KAT2A: variants seen among roughly 807,000 people sequenced by gnomAD.
KAT2A encodes lysine acetyltransferase 2A.
In KAT2A, 42 loss-of-function variants were observed where a neutral mutation model predicts 95.2. The observed-to-expected ratio is 0.44, with a 90% CI of 0.34 to 0.57. The LOEUF (loss-of-function observed/expected upper bound fraction) is 0.57, where lower values mean the gene tolerates loss of function less well. Ranked by LOEUF, KAT2A falls within the 20% of genes least tolerant of loss-of-function variation. The pLI, the probability that KAT2A is intolerant of heterozygous loss-of-function variation, is 0.01. For missense variants in KAT2A, 784 were observed against 1,126.3 expected (o/e 0.70, Z 4.35); for synonymous variants, 449 against 448.2 (o/e 1.00, Z -0.02).
At chr17:42,120,479 T>G in intron 2 of KAT2A, 109 bp from the exon 3 acceptor site, 1 of 1,297,994 alleles carries the variant, frequency 7.7e-7, no homozygotes, top group Admixed American at 1.8e-5. Context: ...CCAACCAGTG[T>G]GACCAACAGT....
Position 42,117,749 on chromosome 17 carries a change from C to T in KAT2A, c.1357G>A (p.Asp453Asn). The T allele has an allele frequency of 2.5e-6, 4 of 1,613,978 alleles. No homozygotes were observed. The highest frequency in any genetic ancestry group is 3.4e-6 in the Non-Finnish European group (4 of 1,179,886). ...EDAKRLRVMG[D>N]IPMELVNEVM... is the part of the protein sequence containing the mutation. ...TCATTGACCAGCTCCATGGGGATGT[C>T]ACCCATCACACGGAGCCGCTTGGCA... The change falls in exon 9 of 18, where the codon GAC becomes AAC. Residue 453 changes from aspartate to asparagine, a missense_variant. Asp to Asn is a conservative substitution (Grantham distance 23). Transcript: ENST00000225916. This position sits in a 1 kb window ranked among gnomAD's most constrained non-coding sequence, Gnocchi z 8.9.
At position 42,117,164 on chromosome 17, in the gene KAT2A, A is replaced by G. The variant is rs782130461; in HGVS notation, c.1638-3T>C. ...TCAAGGCCAGAGTCTTGTGCTTCCTAAGAGAGAGGGGGGCATGTCATAGCC... is the reference window on the plus strand; with the variant it reads ...TCAAGGCCAGAGTCTTGTGCTTCCTGAGAGAGAGGGGGGCATGTCATAGCC... On this transcript the variant is annotated splice_region_variant and splice_polypyrimidine_tract_variant and intron_variant, in intron 10 of 17. Coordinates refer to ENST00000225916, the MANE Select transcript of KAT2A (RefSeq NM_021078.3). The surrounding 1 kb of genome is among the most constrained non-coding windows in gnomAD (Gnocchi z 8.9). The G allele has an allele frequency of 1.9e-6, 3 of 1,613,642 alleles. No individual in the cohort carries two copies. Among genetic ancestry groups the G allele is most frequent in the African/African-American group, 1.3e-5 (1 of 74,876 alleles).
chr17:42,117,001 T>G lies in KAT2A; in HGVS notation c.1764+34A>C. ...CTGGCCCAAACTCAGGAGTGGGCCG[T>G]GGACTGGGGCTGGGGCCGGGGAGCC... On this transcript the variant is annotated intron_variant, in intron 11 of 17. Coordinates refer to ENST00000225916, the MANE Select transcript of KAT2A (RefSeq NM_021078.3). The surrounding 1 kb of genome is among the most constrained non-coding windows in gnomAD (Gnocchi z 8.9). 6.2e-7 allele frequency: 1 copy of G among 1,611,780 alleles called. No individual in the cohort carries two copies. The highest frequency in any genetic ancestry group is 8.5e-7 in the Non-Finnish European group (1 of 1,179,462).
intron 1 of KAT2A, 32 bp downstream of exon 1, chr17:42,120,934 C>A: frequency 1.3e-6 from 2 of 1,553,204 alleles, no homozygotes; most frequent in Non-Finnish European, 1.7e-6. Flanking sequence ...ATGCCCCAAG[C>A]CCCGCCCCTT....
Position 42,117,972 on chromosome 17 carries a change from G to C in KAT2A, c.1226C>G (p.Pro409Arg). ...AVVPSTPIFS[P>R]SMGGGSNSSL... is the part of the protein sequence containing the mutation. Reference sequence around the variant, plus strand: ...GCTGTTGCTGCCCCCACCCATGCTGGGGCTGAAGATGGGGGTGCTGGGAAC... The same window carrying C: ...GCTGTTGCTGCCCCCACCCATGCTGCGGCTGAAGATGGGGGTGCTGGGAAC... The change falls in exon 8 of 18, where the codon CCC (proline) becomes CGC (arginine). Residue 409 changes from proline (P) to arginine (R), a missense_variant. Around this residue, in one of 6 missense-constraint regions of KAT2A, gnomAD observed 63 missense variants for 70.1 expected, o/e 0.90. Transcript: ENST00000225916. The surrounding 1 kb of genome is among the most constrained non-coding windows in gnomAD (Gnocchi z 8.9). 6.2e-7 allele frequency: 1 copy of C among 1,608,468 alleles called. No individual in the cohort carries two copies. Among genetic ancestry groups the C allele is most frequent in the Non-Finnish European group, 8.5e-7 (1 of 1,176,250 alleles).
rs868979775 is a variant in KAT2A, at chr17:42,115,858, A to G, written c.1765-25T>C. On this transcript the variant is annotated intron_variant, in intron 11 of 17. Coordinates refer to ENST00000225916, the MANE Select transcript of KAT2A (RefSeq NM_021078.3). ...CCTGCGGGGGAGGGAAGCAGGACTCACCAGGAGCTGAGGATGGGCCTGGTG... is the reference window on the plus strand; with the variant it reads ...CCTGCGGGGGAGGGAAGCAGGACTCGCCAGGAGCTGAGGATGGGCCTGGTG... 4 of 1,367,566 alleles carry G rather than the reference A, an allele frequency of 2.9e-6. No homozygotes were observed. In the Admixed American group the frequency reaches 5.0e-5, roughly 17 times the overall value. 84.7% of individuals were successfully genotyped at this position (1,367,566 alleles called of 1,614,324 possible).
At position 42,113,619 on chromosome 17, in the gene KAT2A, C is replaced by G; in HGVS notation, c.*30G>C. ...GATCAGAATCCGAGGTGGAGACATT[C>G]CAGGTCAGGGCTGCGGCCCAAAGAT... On this transcript the variant is annotated 3_prime_UTR_variant, in exon 18 of 18. Transcript: ENST00000225916. The G allele has an allele frequency of 6.3e-7, 1 of 1,588,464 alleles. No individual in the cohort carries two copies. The highest frequency in any genetic ancestry group is 8.5e-7 in the Non-Finnish European group (1 of 1,171,236).
In KAT2A at chr17:42,121,087, C is replaced by T; in HGVS notation, c.218G>A (p.Gly73Glu). The change falls in exon 1 of 18, where the codon GGG (glycine) becomes GAG (glutamate). Residue 73 changes from glycine (G) to glutamate (E), a missense_variant. Gly to Glu is a moderately conservative substitution (Grantham distance 98). Transcript: ENST00000225916. ...PGVGSGGAGS[G>E]GDPARPGLSQ... Reference sequence around the variant, plus strand: ...CAGGCCAGGTCGAGCCGGATCCCCCCCGCTCCCGGCCCCCCCACTTCCTAC... The same window carrying T: ...CAGGCCAGGTCGAGCCGGATCCCCCTCGCTCCCGGCCCCCCCACTTCCTAC... 6.5e-7 allele frequency: 1 copy of T among 1,547,790 alleles called. No homozygotes were observed. Among genetic ancestry groups the T allele is most frequent in the Non-Finnish European group, 8.7e-7 (1 of 1,149,374 alleles).
rs2054269538 is a variant in KAT2A, at chr17:42,117,091, T to TGGGAAG, written c.1707_1708insCTTCCC (p.Pro569_Thr570insLeuPro). On this transcript the variant is annotated inframe_insertion, in exon 11 of 18. Coordinates refer to ENST00000225916, the MANE Select transcript of KAT2A (RefSeq NM_021078.3). The surrounding 1 kb of genome is among the most constrained non-coding windows in gnomAD (Gnocchi z 8.9). ...AAGACAATCTCCGTGAAGCCCTGGG[T>TGGGAAG]GGGAAACATGCGGAAGCAGATGCCA... 6.2e-7 allele frequency: 1 copy of TGGGAAG among 1,613,892 alleles called. No individual in the cohort carries two copies. Among genetic ancestry groups the TGGGAAG allele is most frequent in the African/African-American group, 1.3e-5 (1 of 74,882 alleles).
chr17:42,119,718 CCTGAG>C lies in KAT2A; in HGVS notation c.700-5_700-1del. 6.3e-7 allele frequency: 1 copy of C among 1,598,252 alleles called. No individual in the cohort carries two copies. Among genetic ancestry groups the C allele is most frequent in the Non-Finnish European group, 8.5e-7 (1 of 1,171,368 alleles). Reference sequence around the variant, plus strand: ...TTGTACTGCACAAAGTTCAGCACACCCTGAGAAGGGGTGGGTGGGGGATAAAACCA... The same window carrying C: ...TTGTACTGCACAAAGTTCAGCACACCAAGGGGTGGGTGGGGGATAAAACCA... On this transcript the variant is annotated splice_acceptor_variant and splice_polypyrimidine_tract_variant and intron_variant, in intron 4 of 17. Transcript: ENST00000225916. LOFTEE classifies it high-confidence loss of function. The surrounding 1 kb of genome is among the most constrained non-coding windows in gnomAD (Gnocchi z 5.3).
intron 17 of KAT2A, 49 bp from the exon 18 acceptor site, chr17:42,113,891 G>A (rs1555665298): frequency 4.6e-6 from 7 of 1,510,978 alleles, no homozygotes; most frequent in Non-Finnish European, 6.2e-6. Flanking sequence ...GAAGACCACG[G>A]CAGGGCTGTC....
rs1555666866 is a variant in KAT2A, at chr17:42,119,593, C to G, written c.825G>C (p.Gln275His). 2 of 1,613,290 alleles carry G rather than the reference C, an allele frequency of 1.2e-6. No individual in the cohort carries two copies. The highest frequency in any genetic ancestry group is 1.7e-5 in the Admixed American group (1 of 59,870). ...LNYWKLETPA[Q>H]FRQRSQAEDV... ...CCTCAGCCTGAGACCTCTGCCGAAACTGGGCAGGTGTCTCAAGCTTCCAGT... is the reference window on the plus strand; with the variant it reads ...CCTCAGCCTGAGACCTCTGCCGAAAGTGGGCAGGTGTCTCAAGCTTCCAGT... The change falls in exon 5 of 18, where the codon CAG (glutamine) becomes CAC (histidine). Residue 275 changes from glutamine to histidine, a missense_variant. This residue lies in a region of KAT2A where 208 missense variants were observed against 339.7 expected (regional missense o/e 0.61). Coordinates refer to ENST00000225916, the MANE Select transcript of KAT2A (RefSeq NM_021078.3). The surrounding 1 kb of genome is among the most constrained non-coding windows in gnomAD (Gnocchi z 5.3).
chr17:42,113,348 C>T lies in KAT2A; in HGVS notation c.*301G>A, dbSNP rs565900706. ...GGCCCAGGAATCCAAGCCTCCAAAG[C>T]TCTTGGGGACCAGGCCTGGGGGCCA... is the stretch of plus-strand genomic sequence containing the variant. On this transcript the variant is annotated 3_prime_UTR_variant, in exon 18 of 18. Coordinates refer to ENST00000225916, the MANE Select transcript of KAT2A (RefSeq NM_021078.3). 3.5e-6 allele frequency: 1 copy of T among 282,384 alleles called. No homozygotes were observed. The highest frequency in any genetic ancestry group is 8.5e-5 in the East Asian group (1 of 11,732). 17.5% of individuals were successfully genotyped at this position (282,384 alleles called of 1,614,324 possible).
intron 2 of KAT2A, 145 bp from the exon 3 acceptor site, chr17:42,120,515 G>C (rs971636190): frequency 5.7e-6 from 7 of 1,234,622 alleles, no homozygotes; most frequent in Non-Finnish European, 7.0e-6. Flanking sequence ...GATATCAACC[G>C]TTGGGTTGCC....
In KAT2A at chr17:42,117,826, G is replaced by T. The variant is rs1555666364; in HGVS notation, c.1292-12C>A. The T allele has an allele frequency of 6.2e-7, 1 of 1,613,048 alleles. No homozygotes were observed. Among genetic ancestry groups the T allele is most frequent in the African/African-American group, 1.3e-5 (1 of 74,898 alleles). On this transcript the variant is annotated splice_polypyrimidine_tract_variant and intron_variant, in intron 8 of 17. Coordinates refer to ENST00000225916, the MANE Select transcript of KAT2A (RefSeq NM_021078.3). This position sits in a 1 kb window ranked among gnomAD's most constrained non-coding sequence, Gnocchi z 8.9. ...CGTCCTCTTCTCGCCTATTGGGGAGGCAGGCAAGGTTGCTCAGGATCAGTA... is the reference window on the plus strand; with the variant it reads ...CGTCCTCTTCTCGCCTATTGGGGAGTCAGGCAAGGTTGCTCAGGATCAGTA...
chr17:42,118,086 G>T lies in KAT2A; in HGVS notation c.1181-69C>A, dbSNP rs1398778577. The T allele has an allele frequency of 1.8e-4, 185 of 1,038,888 alleles. 2 individuals carry two copies. Among genetic ancestry groups the T allele is most frequent in the Non-Finnish European group, 2.5e-4 (179 of 709,160 alleles). 64.4% of individuals were successfully genotyped at this position (1,038,888 alleles called of 1,614,324 possible). Reference sequence around the variant, plus strand: ...GGAGAGAGAGAGAGAAGTCAGGGACGGGGGCTGAAGCTGAGGAGAGAGAGA... The same window carrying T: ...GGAGAGAGAGAGAGAAGTCAGGGACTGGGGCTGAAGCTGAGGAGAGAGAGA... On this transcript the variant is annotated intron_variant, in intron 7 of 17. Transcript: ENST00000225916.
Position 42,114,878 on chromosome 17 carries a change from T to A in KAT2A, c.2019+14A>T. On this transcript the variant is annotated intron_variant, in intron 13 of 17. Transcript: ENST00000225916. This position sits in a 1 kb window ranked among gnomAD's most constrained non-coding sequence, Gnocchi z 6.0. ...TCATGAAAAATCCCACAGATGCGCA[T>A]GTGTGCACACCACCTCTTTCTGCTT... 2 of 1,613,412 alleles carry A rather than the reference T, an allele frequency of 1.2e-6. No homozygotes were observed. Among genetic ancestry groups the A allele is most frequent in the Non-Finnish European group, 1.7e-6 (2 of 1,179,518 alleles).
chr17:42,113,861 G>A lies in KAT2A; in HGVS notation c.2321-19C>T. 2 of 1,559,166 alleles carry A rather than the reference G, an allele frequency of 1.3e-6. No homozygotes were observed. Among genetic ancestry groups the A allele is most frequent in the Middle Eastern group, 1.9e-4 (1 of 5,282 alleles). On this transcript the variant is annotated intron_variant, in intron 17 of 17. Transcript: ENST00000225916. Reference sequence around the variant, plus strand: ...TTCAGGTCTGGGGCAGCAGGAGACGGAGCACAGCTTTAAGAGGCTGAAGAC... The same window carrying A: ...TTCAGGTCTGGGGCAGCAGGAGACGAAGCACAGCTTTAAGAGGCTGAAGAC...
chr17:42,115,265 G>A (rs2054239356), intron 12 of KAT2A, among the ~76,000 whole-genome samples: 3 of 131,188 alleles, frequency 2.3e-5, no homozygotes, highest in African/African-American at 3.3e-5. Context: ...CTGCTCTACT[G>A]GCCCCCCAGT....
Sources: gnomAD v4.1 joint callset for allele counts (sites outside exome capture counted in the v4.1 genomes callset) on GRCh38, gnomAD v4.1.1 for gene constraint, gnomAD v4.1.1 regional missense constraint, Gnocchi (gnomAD v3.1) non-coding constraint, MANE v1.5 for transcripts, NCBI Gene and HGNC (gene_info 2026-07-23, HGNC 2026-07-21) for gene names.